The following YWHAZ variants were observed in gnomAD, a reference collection of about 807,000 sequenced individuals.
YWHAZ encodes tyrosine 3-monooxygenase/tryptophan 5-monooxygenase activation protein zeta, also known as 14-3-3 protein zeta/delta.
For missense variants in YWHAZ, 79 were observed against 284.8 expected, an observed-to-expected ratio of 0.28 and a Z score of 5.20; for synonymous variants, 87 against 103.6, an observed-to-expected ratio of 0.84 and a Z score of 0.97.
chr8:100,923,819 GAT>G, intron 5 of YWHAZ, 134 bp downstream of exon 5: 1 of 598,510 alleles, frequency 1.7e-6, no homozygotes, highest in Non-Finnish European at 2.8e-6. Context: ...TAGTAGCTGA[GAT>G]ATATTTATGA....
In YWHAZ at chr8:100,939,319, C is replaced by T. The variant is rs931480601; in HGVS notation, c.294+9277G>A. Among the ~76,000 whole-genome samples, 7 of 152,084 alleles carry T rather than the reference C, an allele frequency of 4.6e-5. No individual in the cohort carries two copies. The East Asian group carries it at 1.2e-3, about 25-fold the overall frequency. The stretch of plus-strand genomic sequence containing the variant: ...TCAGGTTCAGAGAATTGTCTCCCTC[C>T]GAATCATGAATGCTAGCAAAATAAT... On this transcript the variant is annotated intron_variant, in intron 2 of 5. Transcript: ENST00000395958.
At position 100,918,417 on chromosome 8, in the gene YWHAZ, TA is replaced by T. The variant is rs1812803947; in HGVS notation, c.*2275del. Reference sequence around the variant, plus strand: ...ATAAAATATAATTACTTTATATATATATATATATATATATATATATATATAT... The same window carrying T: ...ATAAAATATAATTACTTTATATATATTATATATATATATATATATATATAT... On this transcript the variant is annotated 3_prime_UTR_variant, in exon 6 of 6. Transcript: ENST00000395958. 1.5e-5 allele frequency: 1 copy of T among 65,638 alleles called. No homozygotes were observed. Among genetic ancestry groups the T allele is most frequent in the African/African-American group, 6.6e-5 (1 of 15,188 alleles). 4.1% of individuals were successfully genotyped at this position (65,638 alleles called of 1,614,324 possible).
chr8:100,949,352 A>C lies in YWHAZ; in HGVS notation c.-11-452T>G, dbSNP rs376919738. On this transcript the variant is annotated intron_variant, in intron 1 of 5. Transcript: ENST00000395958. ...TATTTCCAGAATCATAATTCATATC[A>C]GTTTAATGTAACTCACGTCTTTTTA... 3.9e-5 allele frequency among the ~76,000 whole-genome samples: 6 copies of C among 152,292 alleles called. No homozygotes were observed. In the East Asian group the frequency reaches 9.6e-4, roughly 24 times the overall value.
chr8:100,924,148 G>A lies in YWHAZ; in HGVS notation c.569C>T (p.Ser190Phe), dbSNP rs1041072590. Residue 190 changes from serine (S) to phenylalanine (F), a missense_variant, in exon 4 of 6, where the codon TCT becomes TTT. By Grantham distance (155) the Ser-to-Phe change is radical (BLOSUM62 -2). Coordinates refer to ENST00000395958, the MANE Select transcript of YWHAZ (RefSeq NM_145690.3). The surrounding 1 kb of genome is among the most constrained non-coding windows in gnomAD (Gnocchi z 5.7). ...EILNSPEKAC[S>F]LAKTAFDEAI... ...TAAAATACATACTGTCTTTGCAAGA[G>A]AGCAGGCTTTCTCTGGGGAGTTCAG... 1.9e-6 allele frequency: 3 copies of A among 1,612,074 alleles called. No homozygotes were observed. The highest frequency in any genetic ancestry group is 2.5e-6 in the Non-Finnish European group (3 of 1,179,406).
intron 2 of YWHAZ, among the ~76,000 whole-genome samples, chr8:100,943,727 CTGTAATCCCAGCACTT>C: frequency 6.6e-6 from 1 of 152,228 alleles, no homozygotes; most frequent in South Asian, 2.1e-4. Flanking sequence ...TGGCTCACGC[CTGTAATCCCAGCACTT>C]TGGGAGGCCG....
At chr8:100,921,307 G>A (rs907922191) in intron 5 of YWHAZ, among the ~76,000 whole-genome samples, 3 of 152,168 alleles carry the variant, frequency 2.0e-5, no homozygotes, top group Admixed American at 6.5e-5. Context: ...GAGATTACAG[G>A]TGTGAGCCAC....
intron 1 of YWHAZ, chr8:100,950,665 GGGGA>G: frequency 1.1e-6 from 1 of 888,026 alleles, no homozygotes; most frequent in Non-Finnish European, 1.3e-6. Flanking sequence ...CGTGGGGGGG[GGGGA>G]GAGATGGGGA....
intron 2 of YWHAZ, among the ~76,000 whole-genome samples, chr8:100,938,258 C>T (rs1474618773): frequency 6.6e-6 from 1 of 152,148 alleles, no homozygotes; most frequent in African/African-American, 2.4e-5. Context: ...TTTCAATCTA[C>T]AATAAGATGA....
In YWHAZ at chr8:100,919,307, G is replaced by T. The variant is rs1812865651; in HGVS notation, c.*1386C>A. On this transcript the variant is annotated 3_prime_UTR_variant, in exon 6 of 6. Coordinates refer to ENST00000395958, the MANE Select transcript of YWHAZ (RefSeq NM_145690.3). ...TCAAGAAATTCTTAAAAACCAAAAA[G>T]TGATTTGGAAGCACAAAACTTACAG... 6.6e-6 allele frequency: 1 copy of T among 152,630 alleles called. No individual in the cohort carries two copies. Among genetic ancestry groups the T allele is most frequent in the African/African-American group, 2.4e-5 (1 of 41,450 alleles). The allele number at this position is 152,630 out of a possible 1,614,324, so 9.5% of individuals were successfully genotyped here. A position where few individuals can be genotyped will look rare whatever the true frequency, so the allele number is the denominator to read the frequency against.
At chr8:100,946,235 T>C (rs1436254363) in intron 2 of YWHAZ, among the ~76,000 whole-genome samples, 2 of 152,184 alleles carry the variant, frequency 1.3e-5, no homozygotes, top group Non-Finnish European at 2.9e-5. Context: ...AAGGGAAGCA[T>C]AGTCAAAACT....
At chr8:100,931,063 T>G (rs1431813713) in intron 2 of YWHAZ, among the ~76,000 whole-genome samples, 2 of 151,978 alleles carry the variant, frequency 1.3e-5, no homozygotes, top group Non-Finnish European at 2.9e-5. Context: ...ATTTTAGAGA[T>G]AAAAGAGATT....
intron 2 of YWHAZ, among the ~76,000 whole-genome samples, chr8:100,947,529 G>A (rs1253714458): frequency 2.0e-5 from 3 of 152,150 alleles, no homozygotes; most frequent in Non-Finnish European, 2.9e-5. Context: ...AGTATCATTT[G>A]AGAAAATTAC....
At chr8:100,941,313 T>A (rs1489661565) in intron 2 of YWHAZ, among the ~76,000 whole-genome samples, 1 of 152,232 alleles carries the variant, frequency 6.6e-6, no homozygotes, top group Non-Finnish European at 1.5e-5. Flanking sequence ...AAAAAAATTA[T>A]AAGCTGAGTG....
chr8:100,952,310 T>A, upstream of YWHAZ: 1 of 252,226 alleles, frequency 4.0e-6, no homozygotes, highest in Non-Finnish European at 6.3e-6. Context: ...CGAGTGCACC[T>A]AGGGCAGGAG....
At chr8:100,950,655 C>CA in intron 1 of YWHAZ, 1 of 826,058 alleles carries the variant, frequency 1.2e-6, no homozygotes, top group Non-Finnish European at 1.4e-6. Context: ...CCGCCCAAGC[C>CA]GTGGGGGGGG....
upstream of YWHAZ, chr8:100,952,039 C>T: frequency 2.0e-6 from 2 of 989,404 alleles, no homozygotes; most frequent in South Asian, 4.4e-5. Flanking sequence ...TCGCTGCTCA[C>T]AGGCTACAGC....
chr8:100,950,670 GAGA>G, intron 1 of YWHAZ: 2 of 889,248 alleles, frequency 2.2e-6, no homozygotes, highest in Non-Finnish European at 2.7e-6. Context: ...GGGGGGGGGA[GAGA>G]TGGGGAGCGA....
At position 100,948,746 on chromosome 8, in the gene YWHAZ, A is replaced by G; in HGVS notation, c.144T>C (p.Tyr48=). The change falls in exon 2 of 6, where the codon TAT becomes TAC. Residue 48 remains tyrosine (Y), a synonymous_variant. Transcript: ENST00000395958. This position sits in a 1 kb window ranked among gnomAD's most constrained non-coding sequence, Gnocchi z 4.2. Reference sequence around the variant, plus strand: ...ACCTACGGGCTCCTACAACATTTTTATAAGCAACTGAGAGAAGATTCCTCT... The same window carrying G: ...ACCTACGGGCTCCTACAACATTTTTGTAAGCAACTGAGAGAAGATTCCTCT... The part of the protein sequence containing the change: ...NEERNLLSVA[Y]KNVVGARRSS... 1 of 1,599,856 alleles carries G rather than the reference A, an allele frequency of 6.3e-7. No homozygotes were observed. The highest frequency in any genetic ancestry group is 1.7e-5 in the Admixed American group (1 of 60,004).
At chr8:100,946,530 G>A (rs1018827406) in intron 2 of YWHAZ, among the ~76,000 whole-genome samples, 1 of 151,966 alleles carries the variant, frequency 6.6e-6, no homozygotes, top group Admixed American at 6.6e-5. Context: ...CAGCCTGGGT[G>A]ACAAGAGCAA....
Sources: gnomAD v4.1 joint callset for allele counts (sites outside exome capture counted in the v4.1 genomes callset) on GRCh38, gnomAD v4.1.1 for gene constraint, Gnocchi (gnomAD v3.1) non-coding constraint, MANE v1.5 for transcripts, NCBI Gene and HGNC (gene_info 2026-07-23, HGNC 2026-07-21) for gene names.